The following HS6ST2 variants were observed in gnomAD, a reference collection of about 807,000 sequenced individuals.
HS6ST2 encodes the protein heparan sulfate 6-O-sulfotransferase 2.
A neutral mutation model predicts 33.0 loss-of-function variants in HS6ST2; 17 were observed. The observed-to-expected ratio is 0.52, with a 90% confidence interval of 0.35 to 0.77. HS6ST2 has a LOEUF of 0.77. Among genes scored for constraint, HS6ST2 ranks in the 30% least tolerant of loss-of-function variants. The probability of loss-of-function intolerance (pLI) is 0.01; values close to 1 mark genes in which losing one functional copy is unlikely to be tolerated. For synonymous variants in HS6ST2, 248 were observed against 237.1 expected (o/e 1.05, Z -0.42); for missense variants, 519 against 551.7 (o/e 0.94, Z 0.59).
In HS6ST2 at chrX:132,730,250, A is replaced by G. The variant is rs1469058178; in HGVS notation, c.948-21756T>C. 2.7e-5 allele frequency among the ~76,000 whole-genome samples: 3 copies of G among 112,374 alleles called. No homozygotes were observed. The East Asian group carries it at 8.4e-4, about 32-fold the overall frequency. Reference sequence around the variant, plus strand: ...ATTTGTTGCAGTCTCCTCTGTGCTCAGAAGCTGTGCTAAGAAGCACTACGC... The same window carrying G: ...ATTTGTTGCAGTCTCCTCTGTGCTCGGAAGCTGTGCTAAGAAGCACTACGC... On this transcript the variant is annotated intron_variant, in intron 2 of 4. Coordinates refer to ENST00000370833, the MANE Select transcript of HS6ST2 (RefSeq NM_001394073.1).
chrX:132,854,426 CTTGGATAAGCATCTGTACT>C (rs1280630452), intron 2 of HS6ST2, among the ~76,000 whole-genome samples: 2 of 112,572 alleles, frequency 1.8e-5, no homozygotes, highest in African/African-American at 6.5e-5. Flanking sequence ...ACAGCAGGGT[CTTGGATAAGCATCTGTACT>C]TCAACGCCTT....
chrX:132,710,541 GAA>G (rs1383625216), intron 2 of HS6ST2, among the ~76,000 whole-genome samples: 1 of 111,036 alleles, frequency 9.0e-6, no homozygotes, highest in Non-Finnish European at 1.9e-5. Context: ...CATCTGCTTG[GAA>G]AAGAGTTCTA....
At chrX:132,942,097 T>C (rs1024238653) in intron 2 of HS6ST2, among the ~76,000 whole-genome samples, 4 of 111,758 alleles carry the variant, frequency 3.6e-5, no homozygotes, top group African/African-American at 1.3e-4. Context: ...AACATTGCTT[T>C]AATGCTCTGG....
chrX:132,847,677 G>C (rs988282048), intron 2 of HS6ST2, among the ~76,000 whole-genome samples: 56 of 111,262 alleles, frequency 5.0e-4, no homozygotes, highest in African/African-American at 1.6e-3. Context: ...ATTTCTATCA[G>C]AGGGACCAAA....
At chrX:132,641,702 C>G (rs2063602776) in intron 4 of HS6ST2, among the ~76,000 whole-genome samples, 1 of 112,917 alleles carries the variant, frequency 8.9e-6, no homozygotes, top group Admixed American at 9.3e-5. Flanking sequence ...GTCTTTGTGT[C>G]CTCACTGACA....
At chrX:132,929,503 A>C (rs1040698025) in intron 2 of HS6ST2, among the ~76,000 whole-genome samples, 1 of 110,244 alleles carries the variant, frequency 9.1e-6, no homozygotes, top group East Asian at 2.9e-4. Flanking sequence ...AAGCAAAAGA[A>C]GGCACTGAAA....
rs750511689 is a variant in HS6ST2 at position 132,896,108 on chromosome X, C to T, written c.947+60700G>A. ...GAGACAGAGAGTAGAAGGATGATTA[C>T]CAGAGGCTGGGAAGGGAAGTGGGGG... On this transcript the variant is annotated intron_variant, in intron 2 of 4. Transcript: ENST00000370833. 1.8e-3 allele frequency among the ~76,000 whole-genome samples: 199 copies of T among 110,587 alleles called. 1 individual carries two copies. The highest frequency in any genetic ancestry group is 3.2e-3 in the Non-Finnish European group (172 of 52,990).
At chrX:132,836,453 G>C (rs2065645423) in intron 2 of HS6ST2, among the ~76,000 whole-genome samples, 2 of 112,874 alleles carry the variant, frequency 1.8e-5, no homozygotes, top group South Asian at 7.3e-4. Context: ...AAATGGGAAG[G>C]CTGGAAGGCC....
At chrX:132,717,598 T>C (rs1276336823) in intron 2 of HS6ST2, among the ~76,000 whole-genome samples, 1 of 112,243 alleles carries the variant, frequency 8.9e-6, no homozygotes, top group Admixed American at 9.4e-5. Context: ...CAAAAATCCA[T>C]GAAAAAGGCT....
chrX:132,938,055 A>G (rs1233734777), intron 2 of HS6ST2, among the ~76,000 whole-genome samples: 1 of 108,040 alleles, frequency 9.3e-6, no homozygotes, highest in Non-Finnish European at 1.9e-5. Context: ...CCAGCTATTC[A>G]AGAGGCTGAG....
At chrX:132,902,707 G>A (rs745628505) in intron 2 of HS6ST2, among the ~76,000 whole-genome samples, 1 of 111,629 alleles carries the variant, frequency 9.0e-6, no homozygotes, top group Non-Finnish European at 1.9e-5. Context: ...AATGGAGCAG[G>A]CTTTAAGAAG....
chrX:132,948,555 G>T (rs1177799946), intron 2 of HS6ST2, among the ~76,000 whole-genome samples: 2 of 112,318 alleles, frequency 1.8e-5, no homozygotes, highest in African/African-American at 3.2e-5. Context: ...GTAATGCTCT[G>T]AAATGTGTCA....
chrX:132,750,477 A>C (rs768508964), intron 2 of HS6ST2, among the ~76,000 whole-genome samples: 1 of 111,704 alleles, frequency 9.0e-6, no homozygotes, highest in Admixed American at 9.5e-5. Flanking sequence ...TCTACTTTTA[A>C]AACTACAACA....
At chrX:132,675,009 A>C (rs1238180530) in intron 3 of HS6ST2, among the ~76,000 whole-genome samples, 1 of 111,869 alleles carries the variant, frequency 8.9e-6, no homozygotes, top group Non-Finnish European at 1.9e-5. Context: ...TGTTTGGGGA[A>C]TGAGAATAAA....
intron 2 of HS6ST2, among the ~76,000 whole-genome samples, chrX:132,752,556 G>A (rs1011532118): frequency 9.1e-6 from 1 of 110,311 alleles, no homozygotes; most frequent in Admixed American, 9.7e-5. Context: ...AGCTTTGAAC[G>A]ATCTTCTCAC....
chrX:132,740,837 G>T (rs1402449837), intron 2 of HS6ST2, among the ~76,000 whole-genome samples: 1 of 111,106 alleles, frequency 9.0e-6, no homozygotes, highest in East Asian at 2.8e-4. Context: ...AATACAGGTG[G>T]CCTTTAGACA....
chrX:132,717,619 G>A (rs1218440920), intron 2 of HS6ST2, among the ~76,000 whole-genome samples: 1 of 112,346 alleles, frequency 8.9e-6, no homozygotes, highest in Non-Finnish European at 1.9e-5. Flanking sequence ...TTAAGCCATT[G>A]CTGTTCTTGT....
chrX:132,787,676 G>A (rs1350388527), intron 2 of HS6ST2, among the ~76,000 whole-genome samples: 1 of 107,190 alleles, frequency 9.3e-6, no homozygotes, highest in Non-Finnish European at 1.9e-5. Context: ...GATCACCTGA[G>A]GTCAGGAGTT....
intron 2 of HS6ST2, among the ~76,000 whole-genome samples, chrX:132,926,877 C>T (rs755358691): frequency 9.0e-6 from 1 of 111,664 alleles, no homozygotes; most frequent in Non-Finnish European, 1.9e-5. Flanking sequence ...AAACTGAGAT[C>T]GCACCAATGC....
Sources: allele counts gnomAD v4.1 joint callset (sites outside exome capture counted in the v4.1 genomes callset), GRCh38; gene constraint gnomAD v4.1.1; transcripts MANE v1.5; gene names NCBI Gene and HGNC (gene_info 2026-07-23, HGNC 2026-07-21).